Variants in PRKACB observed in about 807,000 individuals in gnomAD.
The protein encoded by PRKACB is protein kinase cAMP-activated catalytic subunit beta, also known as cAMP-dependent protein kinase catalytic subunit beta.
In PRKACB, 16 loss-of-function variants were observed where a neutral mutation model predicts 51.4. The ratio of observed to expected loss-of-function variants is 0.31; its 90% CI spans 0.21 to 0.47. PRKACB has a LOEUF of 0.47. Ranked by LOEUF, PRKACB falls within the 20% of genes least tolerant of loss-of-function variation. The pLI, the probability that PRKACB is intolerant of heterozygous loss-of-function variation, is 1.00. For missense variants in PRKACB, 309 were observed against 464.5 expected (o/e 0.67, Z 3.08); for synonymous variants, 147 against 154.4 (o/e 0.95, Z 0.35).
At chr1:84,219,458 G>A (rs889053282) in intron 9 of PRKACB, among the ~76,000 whole-genome samples, 4 of 151,688 alleles carry the variant, frequency 2.6e-5, no homozygotes, top group African/African-American at 9.7e-5. Context: ...CTCCTGACCT[G>A]CCTCAGCCTC....
rs559448406 is a variant in PRKACB at position 84,198,747 on chromosome 1, CAT to C, written c.783+925_783+926del. Among the ~76,000 whole-genome samples, 24 of 150,204 alleles carry C rather than the reference CAT, an allele frequency of 1.6e-4. No individual in the cohort carries two copies. In the East Asian group the frequency reaches 3.7e-3, roughly 23 times the overall value. ...ACAAAATTTAGAAAATACAGAAAAA[CAT>C]AAACAAACAACCAAAAAAAAACCTA... On this transcript the variant is annotated intron_variant, in intron 7 of 9. Coordinates refer to ENST00000370685, the MANE Select transcript of PRKACB (RefSeq NM_182948.4).
intron 1 of PRKACB, among the ~76,000 whole-genome samples, chr1:84,152,788 T>A (rs1037922207): frequency 2.0e-5 from 3 of 152,204 alleles, no homozygotes; most frequent in African/African-American, 7.2e-5. Flanking sequence ...CACAACTTTC[T>A]CTATATCAAC....
chr1:84,092,524 G>A (rs1212803606), intron 1 of PRKACB, among the ~76,000 whole-genome samples: 4 of 152,138 alleles, frequency 2.6e-5, no homozygotes, highest in Non-Finnish European at 5.9e-5. Context: ...ATATGTATTT[G>A]ATGAATATGT....
chr1:84,116,181 G>A (rs1571641124), intron 1 of PRKACB, among the ~76,000 whole-genome samples: 4 of 152,080 alleles, frequency 2.6e-5, no homozygotes, highest in African/African-American at 9.6e-5. Context: ...TTATTTCTAG[G>A]TTCTCTATTT....
At chr1:84,151,801 T>C (rs1021614972) in intron 1 of PRKACB, among the ~76,000 whole-genome samples, 2 of 152,214 alleles carry the variant, frequency 1.3e-5, no homozygotes, top group African/African-American at 4.8e-5. Flanking sequence ...TGTAATTTTT[T>C]ACCACATCTG....
chr1:84,121,318 G>GT (rs991478054), intron 1 of PRKACB, among the ~76,000 whole-genome samples: 1 of 149,948 alleles, frequency 6.7e-6, no homozygotes, highest in African/African-American at 2.5e-5. Context: ...AATTTATCTT[G>GT]TTTTTTTAAT....
chr1:84,136,817 T>C (rs578057021), intron 1 of PRKACB, among the ~76,000 whole-genome samples: 13 of 152,294 alleles, frequency 8.5e-5, no homozygotes, highest in African/African-American at 2.9e-4. Flanking sequence ...AACTGTGATA[T>C]ATCCATTGAC....
At chr1:84,159,651 T>C (rs1230432607) in intron 1 of PRKACB, among the ~76,000 whole-genome samples, 1 of 152,114 alleles carries the variant, frequency 6.6e-6, no homozygotes, top group East Asian at 1.9e-4. Flanking sequence ...AAGTGGTGAA[T>C]GCCTTATGCC....
intron 1 of PRKACB, among the ~76,000 whole-genome samples, chr1:84,084,711 C>T (rs115339070): frequency 0.022 from 3,341 of 152,056 alleles, 124 homozygotes; most frequent in African/African-American, 0.076. Flanking sequence ...GGGGATGACA[C>T]GTTAAGTTTA....
At chr1:84,158,285 G>A (rs1002438898) in intron 1 of PRKACB, among the ~76,000 whole-genome samples, 42 of 152,006 alleles carry the variant, frequency 2.8e-4, no homozygotes, top group Admixed American at 5.3e-4. Context: ...TGATCCGCCC[G>A]CCTCAGCCTC....
At chr1:84,094,593 G>A (rs1222267511) in intron 1 of PRKACB, among the ~76,000 whole-genome samples, 2 of 151,866 alleles carry the variant, frequency 1.3e-5, no homozygotes, top group African/African-American at 4.8e-5. Flanking sequence ...TTTGAAGTTT[G>A]TTGATACTTG....
chr1:84,198,902 A>ACAC (rs1668997743), intron 7 of PRKACB, among the ~76,000 whole-genome samples: 1 of 147,386 alleles, frequency 6.8e-6, no homozygotes, highest in African/African-American at 2.5e-5. Context: ...GTATATATAT[A>ACAC]CACATATGTG....
At chr1:84,123,275 A>C (rs1022974949) in intron 1 of PRKACB, among the ~76,000 whole-genome samples, 7 of 152,210 alleles carry the variant, frequency 4.6e-5, no homozygotes, top group African/African-American at 1.4e-4. Context: ...GTTTCTTCAG[A>C]TATTACTTGA....
intron 6 of PRKACB, 61 bp downstream of exon 6, chr1:84,196,803 G>A: frequency 6.8e-7 from 1 of 1,467,188 alleles, no homozygotes; most frequent in Non-Finnish European, 9.2e-7. Context: ...GACATTGTAT[G>A]TATGTAACCC....
intron 1 of PRKACB, among the ~76,000 whole-genome samples, chr1:84,155,041 CAATA>C (rs746338439): frequency 8.5e-4 from 128 of 151,432 alleles, no homozygotes; most frequent in African/African-American, 2.6e-3. Context: ...AGCATTTAGG[CAATA>C]AATAAATAAA....
Position 84,190,697 on chromosome 1 carries a change from G to A in PRKACB, c.560+5515G>A, listed in dbSNP as rs1666511450. ...GACCAGGAAATCTAGGCAAAAATCTGTGTTGACAATTTTGAAGACATTTCT... is the reference window on the plus strand; with the variant it reads ...GACCAGGAAATCTAGGCAAAAATCTATGTTGACAATTTTGAAGACATTTCT... On this transcript the variant is annotated intron_variant, in intron 5 of 9. Transcript: ENST00000370685. Among the ~76,000 whole-genome samples, 3 of 152,150 alleles carry A rather than the reference G, an allele frequency of 2.0e-5. No homozygotes were observed. In the South Asian group the frequency reaches 6.2e-4, roughly 32 times the overall value.
At chr1:84,112,883 T>A (rs1253720510) in intron 1 of PRKACB, among the ~76,000 whole-genome samples, 1 of 152,132 alleles carries the variant, frequency 6.6e-6, no homozygotes, top group African/African-American at 2.4e-5. Context: ...AGGAATGTTT[T>A]TACATGGGAG....
chr1:84,164,598 T>C, intron 1 of PRKACB: 11 of 1,368,332 alleles, frequency 8.0e-6, no homozygotes, highest in Non-Finnish European at 1.1e-5. Context: ...TGGATACAAG[T>C]GAACCGATAA....
At chr1:84,214,537 C>T (rs1219918981) in intron 9 of PRKACB, among the ~76,000 whole-genome samples, 3 of 146,538 alleles carry the variant, frequency 2.0e-5, no homozygotes, top group East Asian at 4.0e-4. Flanking sequence ...CTGTAGTCCA[C>T]GCTGGAGTGC....
Sources: allele counts gnomAD v4.1 joint callset (sites outside exome capture counted in the v4.1 genomes callset), GRCh38; gene constraint gnomAD v4.1.1; transcripts MANE v1.5; gene names NCBI Gene and HGNC (gene_info 2026-07-23, HGNC 2026-07-21).